The following G2E3 variants were observed in gnomAD, a reference collection of about 807,000 sequenced individuals.
The protein encoded by G2E3 is G2/M-phase specific E3 ubiquitin protein ligase.
Under a neutral mutation model 92.8 loss-of-function variants are expected in G2E3, and 35 were observed. That is an observed-to-expected ratio of 0.38 (90% confidence interval 0.29 to 0.50). The LOEUF (loss-of-function observed/expected upper bound fraction) is 0.50, where lower values mean the gene tolerates loss of function less well. Ranked by LOEUF, G2E3 falls within the 20% of genes least tolerant of loss-of-function variation. The pLI, the probability that G2E3 is intolerant of heterozygous loss-of-function variation, is 0.94. For missense variants in G2E3, 554 were observed against 823.8 expected (o/e 0.67, Z 4.01); for synonymous variants, 242 against 272.4 (o/e 0.89, Z 1.10).
intron 1 of G2E3, among the ~76,000 whole-genome samples, chr14:30,571,521 A>C (rs1373338442): frequency 2.0e-5 from 3 of 152,044 alleles, no homozygotes; most frequent in Non-Finnish European, 4.4e-5. Flanking sequence ...GCCAAACCCC[A>C]AGATCATGAA....
intron 1 of G2E3, among the ~76,000 whole-genome samples, chr14:30,580,377 T>A (rs117213165): frequency 0.035 from 5,279 of 152,144 alleles, 122 homozygotes; most frequent in Middle Eastern, 0.061. Flanking sequence ...CTGCTAACTT[T>A]GTATTTTTGG....
chr14:30,614,615 C>T (rs1882233439), intron 13 of G2E3, among the ~76,000 whole-genome samples: 1 of 152,198 alleles, frequency 6.6e-6, no homozygotes, highest in African/African-American at 2.4e-5. Flanking sequence ...TTCGAAGGAA[C>T]TCATTTGAAA....
In G2E3 at chr14:30,615,081, A is replaced by G. The variant is rs574945510; in HGVS notation, c.1674-268A>G. On this transcript the variant is annotated intron_variant, in intron 13 of 14. Transcript: ENST00000206595. ...AAACTTGTTAGTTTTGAAACTATAA[A>G]GCCAAATAATGTAGGTACATAAAAT... is the stretch of plus-strand genomic sequence containing the variant. Among the ~76,000 whole-genome samples the G allele has an allele frequency of 2.1e-3, 318 of 152,308 alleles. 4 individuals are homozygous for G. The highest frequency in any genetic ancestry group is 7.1e-4 in the Non-Finnish European group (48 of 68,020).
At chr14:30,603,834 A>T (rs1007851044) in intron 10 of G2E3, among the ~76,000 whole-genome samples, 4 of 152,230 alleles carry the variant, frequency 2.6e-5, no homozygotes, top group Non-Finnish European at 4.4e-5. Context: ...ACACAGCAAG[A>T]CCTTGTCTCT....
At chr14:30,585,111 G>A (rs1880637200) in intron 2 of G2E3, among the ~76,000 whole-genome samples, 1 of 152,146 alleles carries the variant, frequency 6.6e-6, no homozygotes. Flanking sequence ...TAGGATTATA[G>A]GCATGAGCCA....
chr14:30,612,493 A>G (rs1882140652), intron 13 of G2E3, 114 bp downstream of exon 13: 1 of 663,648 alleles, frequency 1.5e-6, no homozygotes, highest in African/African-American at 1.9e-5. Flanking sequence ...TCAGAAAAAA[A>G]TTTAAATGCT....
chr14:30,591,425 T>G (rs1488560375), intron 4 of G2E3, among the ~76,000 whole-genome samples: 1 of 152,192 alleles, frequency 6.6e-6, no homozygotes, highest in East Asian at 1.9e-4. Context: ...ATTCATTTCC[T>G]AGGGCTGCCA....
intron 1 of G2E3, among the ~76,000 whole-genome samples, chr14:30,572,268 AAC>A (rs141616576): frequency 0.021 from 3,249 of 152,260 alleles, 74 homozygotes; most frequent in Admixed American, 0.055. Context: ...CATATGTGAA[AAC>A]AGTTTTACTT....
intron 1 of G2E3, chr14:30,559,924 G>A (rs1878990266): frequency 6.6e-6 from 1 of 152,006 alleles, no homozygotes; most frequent in Non-Finnish European, 1.5e-5. Flanking sequence ...TATTTAAACC[G>A]GCTGTGGTAA....
chr14:30,591,948 G>T (rs1378230109), intron 4 of G2E3, among the ~76,000 whole-genome samples: 1 of 151,938 alleles, frequency 6.6e-6, no homozygotes, highest in African/African-American at 2.4e-5. Flanking sequence ...TATTCTTCTT[G>T]GTGAGTGTTG....
chr14:30,569,156 T>C (rs2138777636), intron 1 of G2E3, among the ~76,000 whole-genome samples: 1 of 152,282 alleles, frequency 6.6e-6, no homozygotes, highest in Non-Finnish European at 1.5e-5. Context: ...TGCCAAAATT[T>C]ATAAGAAATT....
At position 30,583,001 on chromosome 14, in the gene G2E3, G is replaced by A. The variant is rs114875259; in HGVS notation, c.37+1885G>A. 3.6e-3 allele frequency among the ~76,000 whole-genome samples: 553 copies of A among 152,208 alleles called. 7 individuals are homozygous for A. Among genetic ancestry groups the A allele is most frequent in the African/African-American group, 0.013 (523 of 41,524 alleles). ...GTAAATAATACTAGTTTCCATAACT[G>A]GTAAACCCTGACATCTTACTGGTTT... On this transcript the variant is annotated intron_variant, in intron 2 of 14. Coordinates refer to ENST00000206595, the MANE Select transcript of G2E3 (RefSeq NM_017769.5).
intron 4 of G2E3, chr14:30,590,768 A>G (rs1230898615): frequency 4.4e-6 from 2 of 455,488 alleles, no homozygotes; most frequent in East Asian, 7.0e-5. Context: ...TAAACGTGAG[A>G]TATTAGTATC....
chr14:30,608,861 A>T (rs1397419290), intron 12 of G2E3, among the ~76,000 whole-genome samples: 4 of 152,236 alleles, frequency 2.6e-5, no homozygotes, highest in African/African-American at 9.6e-5. Context: ...ATGTGCCTGT[A>T]ATCCCAGCTA....
chr14:30,574,252 G>C (rs1439853149), intron 1 of G2E3, among the ~76,000 whole-genome samples: 3 of 151,984 alleles, frequency 2.0e-5, no homozygotes, highest in African/African-American at 7.3e-5. Context: ...CCTAAATATG[G>C]ATACCAATTT....
At chr14:30,574,534 C>T (rs1234701243) in intron 1 of G2E3, 1 of 151,570 alleles carries the variant, frequency 6.6e-6, no homozygotes, top group Non-Finnish European at 1.5e-5. Context: ...GTATTAAGCC[C>T]AATAGCCAAT....
chr14:30,608,130 T>A (rs1380828505), intron 12 of G2E3, 61 bp downstream of exon 12: 1 of 912,456 alleles, frequency 1.1e-6, no homozygotes, highest in African/African-American at 1.7e-5. Flanking sequence ...TTAATGTAAA[T>A]GACTGATCTG....
chr14:30,615,409 A>C lies in G2E3; in HGVS notation c.1734A>C (p.Ala578=). 1 of 1,611,246 alleles carries C rather than the reference A, an allele frequency of 6.2e-7. No individual in the cohort carries two copies. Among genetic ancestry groups the C allele is most frequent in the South Asian group, 1.1e-5 (1 of 90,888 alleles). ...VLEKIQAYPE[A]FCSILCHKPE... ...AGAAAATTCAGGCTTATCCAGAAGC[A>C]TTTTGTAGCATCCTGTGTCATAAAC... is the stretch of plus-strand genomic sequence containing the variant. Residue 578 remains alanine, a synonymous_variant, in exon 14 of 15, where the codon GCA becomes GCC. Coordinates refer to ENST00000206595, the MANE Select transcript of G2E3 (RefSeq NM_017769.5).
At chr14:30,584,842 T>G (rs965676415) in intron 2 of G2E3, among the ~76,000 whole-genome samples, 10 of 148,722 alleles carry the variant, frequency 6.7e-5, no homozygotes, top group Non-Finnish European at 1.0e-4. Context: ...TTTTTTTTTT[T>G]TTTTGAGACG....
Sources: allele counts gnomAD v4.1 joint callset (sites outside exome capture counted in the v4.1 genomes callset), GRCh38; gene constraint gnomAD v4.1.1; transcripts MANE v1.5; gene names NCBI Gene and HGNC (gene_info 2026-07-23, HGNC 2026-07-21).